MGA: variants seen among roughly 807,000 people sequenced by gnomAD.
MGA encodes MAX dimerization protein MGA.
In MGA, 40 loss-of-function variants were observed where a neutral mutation model predicts 261.1. The ratio of observed to expected loss-of-function variants is 0.15; its 90% CI spans 0.12 to 0.20. The LOEUF is 0.20. MGA is among the 10% of genes least tolerant of loss of function. The probability of loss-of-function intolerance (pLI) is 1.00; values close to 1 mark genes in which losing one functional copy is unlikely to be tolerated. For missense variants in MGA, 3,397 were observed against 3,630.5 expected, an observed-to-expected ratio of 0.94 and a Z score of 1.65; for synonymous variants, 1,302 against 1,290.6, an observed-to-expected ratio of 1.01 and a Z score of -0.19.
chr15:41,697,137 T>C, intron 3 of MGA, 114 bp downstream of exon 3: 1 of 910,466 alleles, frequency 1.1e-6, no homozygotes, highest in East Asian at 2.7e-5. Flanking sequence ...TTTGTGAGGG[T>C]GTATGGGGGG....
intron 1 of MGA, among the ~76,000 whole-genome samples, chr15:41,664,611 G>A (rs780133513): frequency 1.3e-5 from 2 of 152,030 alleles, no homozygotes; most frequent in Non-Finnish European, 2.9e-5. Context: ...GTGCTCACGT[G>A]GAACACATAC....
chr15:41,624,731 A>T (rs1394778841), intron 1 of MGA, among the ~76,000 whole-genome samples: 2 of 152,148 alleles, frequency 1.3e-5, no homozygotes, highest in East Asian at 3.9e-4. Flanking sequence ...CGGCCTCCTA[A>T]AGTGCTGGGA....
At chr15:41,671,205 TC>T (rs1329939269) in intron 2 of MGA, among the ~76,000 whole-genome samples, 2 of 152,158 alleles carry the variant, frequency 1.3e-5, no homozygotes, top group Non-Finnish European at 2.9e-5. Flanking sequence ...TAACCACAAA[TC>T]CAAAATATTT....
Position 41,669,670 on chromosome 15 carries a change from G to T in MGA, c.776G>T (p.Arg259Leu), listed in dbSNP as rs1338364327. Residue 259 changes from arginine to leucine, a missense_variant, in exon 2 of 24, where the codon CGG becomes CTG. Arg to Leu is a moderately radical substitution (Grantham distance 102, BLOSUM62 -2). Around this residue, in one of 9 missense-constraint regions of MGA, gnomAD observed 563 missense variants for 563.6 expected, o/e 1.00. Coordinates refer to ENST00000219905, the MANE Select transcript of MGA (RefSeq NM_001164273.2). Reference sequence around the variant, plus strand: ...TACAATCCATTTGCCAAAGGCTTTCGGGATGATGGGCTGAATAATAAGCCC... The same window carrying T: ...TACAATCCATTTGCCAAAGGCTTTCTGGATGATGGGCTGAATAATAAGCCC... 6.2e-7 allele frequency: 1 copy of T among 1,613,450 alleles called. No individual in the cohort carries two copies. The highest frequency in any genetic ancestry group is 1.3e-5 in the African/African-American group (1 of 74,882).
In MGA at chr15:41,758,578, A is replaced by C. The variant is rs543837063; in HGVS notation, c.7191+739A>C. On this transcript the variant is annotated intron_variant, in intron 19 of 23. Transcript: ENST00000219905. The stretch of plus-strand genomic sequence containing the variant: ...AAATTTATTCTGAAGCATTTTTCAG[A>C]TATAACAAGAATTTTCATAATAGCT... 1.2e-3 allele frequency among the ~76,000 whole-genome samples: 184 copies of C among 152,268 alleles called. 1 individual carries two copies. The highest frequency in any genetic ancestry group is 4.2e-3 in the African/African-American group (176 of 41,576).
At position 41,762,231 on chromosome 15, in the gene MGA, T is replaced by A; in HGVS notation, c.7613T>A (p.Phe2538Tyr). 1.2e-6 allele frequency: 2 copies of A among 1,613,930 alleles called. No individual in the cohort carries two copies. Among genetic ancestry groups the A allele is most frequent in the Non-Finnish European group, 1.7e-6 (2 of 1,179,872 alleles). The change falls in exon 22 of 24, where the codon TTT becomes TAT. Residue 2538 changes from phenylalanine to tyrosine, a missense_variant. Transcript: ENST00000219905. ...AAAAAGAAGATGGGATCAGATGAGTTTGACATATCTCCCAGAATTAGCAAA... is the reference window on the plus strand; with the variant it reads ...AAAAAGAAGATGGGATCAGATGAGTATGACATATCTCCCAGAATTAGCAAA...
chr15:41,696,308 T>G lies in MGA; in HGVS notation c.1298T>G (p.Val433Gly), dbSNP rs776705699. 10 of 1,613,768 alleles carry G rather than the reference T, an allele frequency of 6.2e-6. 1 individual carries two copies. The Admixed American group carries it at 1.7e-4, about 27-fold the overall frequency. Residue 433 changes from valine to glycine, a missense_variant, in exon 3 of 24, where the codon GTT becomes GGT. Physicochemically the swap from Val to Gly is moderately radical, Grantham distance 109. This residue lies in a region of MGA where 563 missense variants were observed against 563.6 expected (regional missense o/e 1.00). Transcript: ENST00000219905. The stretch of plus-strand genomic sequence containing the variant: ...AAACAGCTAAAGAGGCACAATAAAG[T>G]TGACAACCCAGAAGCTGACCATCTA...
Position 41,697,027 on chromosome 15 carries a change from A to T in MGA, c.2013+4A>T, listed in dbSNP as rs749109550. ...CTTTGTTTCCTTTGAATCAAAGGTA[A>T]GATTGTAATTTTCAGGATTCTTTAA... On this transcript the variant is annotated splice_donor_region_variant and intron_variant, in intron 3 of 23. Transcript: ENST00000219905. The T allele has an allele frequency of 6.6e-7, 1 of 1,521,358 alleles. No homozygotes were observed. The highest frequency in any genetic ancestry group is 1.3e-5 in the South Asian group (1 of 79,166). 94.2% of individuals were successfully genotyped at this position (1,521,358 alleles called of 1,614,324 possible). A position where few individuals can be genotyped will look rare whatever the true frequency, so the allele number is the denominator to read the frequency against.
At chr15:41,753,662 C>T (rs796697938) in intron 17 of MGA, among the ~76,000 whole-genome samples, 6 of 152,184 alleles carry the variant, frequency 3.9e-5, no homozygotes, top group African/African-American at 1.4e-4. Context: ...TATTTCTATA[C>T]CTGCCTGTGT....
upstream of MGA, among the ~76,000 whole-genome samples, chr15:41,658,135 C>T (rs2057245908): frequency 3.3e-5 from 5 of 152,158 alleles, no homozygotes; most frequent in South Asian, 1.0e-3. Flanking sequence ...TAATTGCATG[C>T]ATTCTCTCTA....
chr15:41,721,956 A>G (rs1382621481), intron 9 of MGA, among the ~76,000 whole-genome samples: 1 of 152,192 alleles, frequency 6.6e-6, no homozygotes, highest in East Asian at 1.9e-4. Flanking sequence ...AAGAATAAAC[A>G]GTAGTATGAA....
At chr15:41,623,775 ATT>A (rs202119156) in intron 1 of MGA, among the ~76,000 whole-genome samples, 2 of 110,750 alleles carry the variant, frequency 1.8e-5, no homozygotes, top group Non-Finnish European at 3.9e-5. Flanking sequence ...ATATATATAT[ATT>A]TTTTTTTTTT....
At chr15:41,699,606 A>G (rs978691015) in intron 5 of MGA, among the ~76,000 whole-genome samples, 1 of 152,136 alleles carries the variant, frequency 6.6e-6, no homozygotes, top group Non-Finnish European at 1.5e-5. Flanking sequence ...GGTTCATGCC[A>G]TTCTCCTGCC....
At chr15:41,750,771 G>C (rs547200374) in intron 17 of MGA, 156 bp downstream of exon 17, 1 of 645,192 alleles carries the variant, frequency 1.5e-6, no homozygotes, top group Admixed American at 3.1e-5. Flanking sequence ...TCTTTAGGCT[G>C]TGTCAATCAA....
chr15:41,748,288 C>G (rs1393649764), intron 15 of MGA, among the ~76,000 whole-genome samples: 2 of 152,032 alleles, frequency 1.3e-5, no homozygotes, highest in Non-Finnish European at 2.9e-5. Context: ...CGCGGTGGCT[C>G]ACGCCTGTAA....
rs919506386 is a variant in MGA, at chr15:41,642,478, TTTA to T, written c.-68+21201_-68+21203del. The stretch of plus-strand genomic sequence containing the variant: ...GTGCCCGCCACTACTCCCAGCTAAT[TTTA>T]TTATTATTATTATTATTATTTTAGA... On this transcript the variant is annotated intron_variant, in intron 1 of 8. Transcript: ENST00000566718. Among the ~76,000 whole-genome samples, 190 of 151,016 alleles carry T rather than the reference TTTA, an allele frequency of 1.3e-3. 1 individual carries two copies. The highest frequency in any genetic ancestry group is 4.4e-3 in the African/African-American group (180 of 41,218).
chr15:41,761,996 T>G (rs766976928), intron 21 of MGA, 133 bp from the exon 22 acceptor site: 17 of 1,019,730 alleles, frequency 1.7e-5, no homozygotes, highest in Admixed American at 2.7e-5. Flanking sequence ...GGTGGGTTGT[T>G]TCTTGTGAAT....
rs527789717 is a variant in MGA at position 41,748,898 on chromosome 15, A to G, written c.5474A>G (p.Asn1825Ser). The G allele has an allele frequency of 1.2e-5, 20 of 1,613,896 alleles. No individual in the cohort carries two copies. Among genetic ancestry groups the G allele is most frequent in the South Asian group, 2.2e-5 (2 of 91,068 alleles). ...CTTCGAGGCTCTAATACCCAGCCCA[A>G]CTTACAGCCTGTCATGTTTCGGAAC... The change falls in exon 16 of 24, where the codon AAC (asparagine) becomes AGC (serine). Residue 1825 changes from asparagine (N) to serine (S), a missense_variant. Physicochemically the swap from Asn to Ser is conservative, Grantham distance 46. Around this residue, in one of 9 missense-constraint regions of MGA, gnomAD observed 1,410 missense variants for 1,386.4 expected, o/e 1.02. Transcript: ENST00000219905.
intron 3 of MGA, among the ~76,000 whole-genome samples, chr15:41,697,597 G>A (rs1348173673): frequency 1.3e-5 from 2 of 151,518 alleles, no homozygotes; most frequent in African/African-American, 4.8e-5. Context: ...TTGTAATTTT[G>A]GTAGAGACGG....
Sources: allele counts gnomAD v4.1 joint callset (sites outside exome capture counted in the v4.1 genomes callset), GRCh38; gene constraint gnomAD v4.1.1; regional missense constraint gnomAD v4.1.1; transcripts MANE v1.5; gene names NCBI Gene and HGNC (gene_info 2026-07-23, HGNC 2026-07-21).